CABIN1: variants seen among roughly 807,000 people sequenced by gnomAD.
The protein encoded by CABIN1 is calcineurin binding protein 1.
CABIN1 carries 133 observed loss-of-function variants against 227.7 expected under a neutral mutation model. That is an observed-to-expected ratio of 0.58 (90% CI 0.51 to 0.67). CABIN1 has a LOEUF of 0.67. CABIN1 is among the 30% of genes least tolerant of loss of function. The pLI, the probability that CABIN1 is intolerant of heterozygous loss-of-function variation, is 0.00. For synonymous variants in CABIN1, 1,086 were observed against 1,155.1 expected (o/e 0.94, Z 1.21); for missense variants, 2,408 against 2,852.5 (o/e 0.84, Z 3.55).
intron 29 of CABIN1, among the ~76,000 whole-genome samples, chr22:24,161,574 C>T (rs1290270521): frequency 6.6e-6 from 1 of 152,158 alleles, no homozygotes; most frequent in East Asian, 1.9e-4. Context: ...ATGATCCTGC[C>T]TCTGCCTTTC....
chr22:24,029,570 T>A (rs374656390), intron 1 of CABIN1, among the ~76,000 whole-genome samples: 17 of 149,610 alleles, frequency 1.1e-4, no homozygotes, highest in Non-Finnish European at 1.9e-4. Flanking sequence ...AAAAAAAAAA[T>A]GGTAGTTGCT....
chr22:24,172,713 G>A (rs1390924987), intron 34 of CABIN1, among the ~76,000 whole-genome samples: 1 of 152,234 alleles, frequency 6.6e-6, no homozygotes, highest in African/African-American at 2.4e-5. Flanking sequence ...TTCCTTTGGG[G>A]AGGGGATGTA....
chr22:24,110,978 T>C (rs944062368), intron 26 of CABIN1, among the ~76,000 whole-genome samples: 1 of 152,202 alleles, frequency 6.6e-6, no homozygotes, highest in Non-Finnish European at 1.5e-5. Context: ...TTAGTTATTA[T>C]GTCTTTAAAT....
intron 19 of CABIN1, among the ~76,000 whole-genome samples, chr22:24,081,903 T>G (rs1386972374): frequency 6.6e-6 from 1 of 152,092 alleles, no homozygotes; most frequent in African/African-American, 2.4e-5. Context: ...GGCAGGTGCC[T>G]GTAGTCCTAG....
At position 24,072,344 on chromosome 22, in the gene CABIN1, G is replaced by T. The variant is rs369736466; in HGVS notation, c.2476-10G>T. The T allele has an allele frequency of 6.2e-7, 1 of 1,614,022 alleles. No homozygotes were observed. The highest frequency in any genetic ancestry group is 1.1e-5 in the South Asian group (1 of 91,076). On this transcript the variant is annotated splice_polypyrimidine_tract_variant and intron_variant, in intron 17 of 36. Coordinates refer to ENST00000263119, the MANE Select transcript of CABIN1 (RefSeq NM_012295.4). The stretch of plus-strand genomic sequence containing the variant: ...TGACACTTCTGCTGTCTCCCACCCC[G>T]CACTGTCAGGTCATTGACTGCAGCA...
chr22:24,146,422 C>T (rs1037803177), intron 29 of CABIN1, among the ~76,000 whole-genome samples: 3 of 152,216 alleles, frequency 2.0e-5, no homozygotes, highest in Admixed American at 6.5e-5. Context: ...CTTGCACAGC[C>T]CCCGTGTTCA....
At chr22:24,147,343 C>T in intron 29 of CABIN1, among the ~76,000 whole-genome samples, 1 of 133,132 alleles carries the variant, frequency 7.5e-6, no homozygotes, top group Non-Finnish European at 1.6e-5. Flanking sequence ...CTCCCTCCCT[C>T]CCTGCCTCCC....
In CABIN1 at chr22:24,171,827, C is replaced by A. The variant is rs145513360; in HGVS notation, c.5872C>A (p.Arg1958=). 1 of 1,614,132 alleles carries A rather than the reference C, an allele frequency of 6.2e-7. No individual in the cohort carries two copies. Among genetic ancestry groups the A allele is most frequent in the Non-Finnish European group, 8.5e-7 (1 of 1,180,036 alleles). Residue 1958 remains arginine, a synonymous_variant, in exon 34 of 37, where the codon CGG becomes AGG. Coordinates refer to ENST00000263119, the MANE Select transcript of CABIN1 (RefSeq NM_012295.4). ...CCCTGTGCCAGCTGACTCTGTCCAG[C>A]GGCCCAGTGATGCTCACACCAAGCC... is the stretch of plus-strand genomic sequence containing the variant. ...PDPVPADSVQ[R]PSDAHTKPRP...
intron 32 of CABIN1, among the ~76,000 whole-genome samples, chr22:24,167,969 G>T (rs560969406): frequency 8.7e-4 from 133 of 152,258 alleles, no homozygotes; most frequent in Non-Finnish European, 1.6e-3. Flanking sequence ...CCTCCATCCT[G>T]CCCACTTAAA....
chr22:24,174,465 G>A (rs1404105085), intron 34 of CABIN1, among the ~76,000 whole-genome samples: 4 of 152,160 alleles, frequency 2.6e-5, no homozygotes, highest in African/African-American at 4.8e-5. Context: ...GGTGATGGGA[G>A]CCCAGTGCCG....
At chr22:24,165,369 G>A (rs2046385946) in intron 30 of CABIN1, among the ~76,000 whole-genome samples, 161 bp from the exon 31 acceptor site, 1 of 152,174 alleles carries the variant, frequency 6.6e-6, no homozygotes, top group African/African-American at 2.4e-5. Context: ...GGGAGCTCAG[G>A]GGAAGCTTCT....
intron 28 of CABIN1, among the ~76,000 whole-genome samples, chr22:24,128,951 G>A (rs368091973): frequency 2.0e-5 from 3 of 152,234 alleles, no homozygotes; most frequent in African/African-American, 7.2e-5. Context: ...GCAGGAGGTA[G>A]TTAAGTGGTG....
At chr22:24,168,987 TTTA>T (rs1309512688) in intron 33 of CABIN1, among the ~76,000 whole-genome samples, 2 of 150,244 alleles carry the variant, frequency 1.3e-5, no homozygotes, top group Non-Finnish European at 3.0e-5. Flanking sequence ...AGTCCTGGAG[TTTA>T]TTAAGCAGGG....
chr22:24,115,944 G>A (rs1401891861), intron 27 of CABIN1, among the ~76,000 whole-genome samples: 3 of 152,202 alleles, frequency 2.0e-5, no homozygotes, highest in Non-Finnish European at 2.9e-5. Context: ...CCATGCACTG[G>A]GTACCGAGGG....
rs1353903984 is a variant in CABIN1, at chr22:24,119,635, C to T, written c.4569C>T (p.Phe1523=). 2 of 1,613,942 alleles carry T rather than the reference C, an allele frequency of 1.2e-6. No individual in the cohort carries two copies. The highest frequency in any genetic ancestry group is 1.7e-6 in the Non-Finnish European group (2 of 1,179,958). ...CCTTCCGCCTGTGCCTGAGCCGCTT[C>T]CCCCAGCACTATAAGAGTCTCTACC... is the stretch of plus-strand genomic sequence containing the variant. ...IASFRLCLSR[F]PQHYKSLYRL... The change falls in exon 28 of 37, where the codon TTC becomes TTT. Residue 1523 remains phenylalanine, a synonymous_variant. Coordinates refer to ENST00000263119, the MANE Select transcript of CABIN1 (RefSeq NM_012295.4).
intron 27 of CABIN1, among the ~76,000 whole-genome samples, chr22:24,118,568 C>T (rs747460271): frequency 3.3e-5 from 5 of 152,174 alleles, no homozygotes; most frequent in Non-Finnish European, 5.9e-5. Context: ...CAGGGCGTGC[C>T]GTGCTCCTGA....
intron 16 of CABIN1, among the ~76,000 whole-genome samples, chr22:24,069,122 G>A (rs534514167): frequency 6.6e-6 from 1 of 152,312 alleles, no homozygotes; most frequent in South Asian, 2.1e-4. Context: ...GTATAGTGGC[G>A]CTTTCTTCCA....
chr22:24,156,312 C>T (rs2045805572), intron 29 of CABIN1, among the ~76,000 whole-genome samples: 1 of 152,052 alleles, frequency 6.6e-6, no homozygotes, highest in African/African-American at 2.4e-5. Flanking sequence ...CGGCCGGCGG[C>T]GGGGTGCTGC....
intron 24 of CABIN1, among the ~76,000 whole-genome samples, chr22:24,092,687 A>ATTGTGTGT (rs1201325185): frequency 7.2e-6 from 1 of 138,714 alleles, no homozygotes; most frequent in African/African-American, 2.7e-5. Context: ...TGATTATAAA[A>ATTGTGTGT]GTGTGTGTGT....
Sources: gnomAD v4.1 joint callset for allele counts (sites outside exome capture counted in the v4.1 genomes callset) on GRCh38, gnomAD v4.1.1 for gene constraint, MANE v1.5 for transcripts, NCBI Gene and HGNC (gene_info 2026-07-23, HGNC 2026-07-21) for gene names.